NRCAM: variants seen among roughly 807,000 people sequenced by gnomAD.
NRCAM encodes neuronal cell adhesion molecule, also known as NgCAM-related cell adhesion molecule.
In NRCAM, 83 loss-of-function variants were observed where a neutral mutation model predicts 156.5. The observed-to-expected ratio is 0.53, with a 90% confidence interval of 0.44 to 0.64. The LOEUF (loss-of-function observed/expected upper bound fraction) is 0.64. Ranked by LOEUF, NRCAM falls within the 30% of genes least tolerant of loss-of-function variation. NRCAM has a pLI of 0.00. For missense variants in NRCAM, 1,417 were observed against 1,597.3 expected (o/e 0.89, Z 1.92); for synonymous variants, 538 against 563.9 (o/e 0.95, Z 0.65).
intron 28 of NRCAM, among the ~76,000 whole-genome samples, chr7:108,173,036 A>G (rs1372170167): frequency 7.3e-6 from 1 of 136,936 alleles, no homozygotes; most frequent in Non-Finnish European, 1.5e-5. Flanking sequence ...CCCAGGCTGG[A>G]GTGCAATGGT....
chr7:108,242,898 G>A (rs1047832622), intron 3 of NRCAM: 7 of 152,000 alleles, frequency 4.6e-5, no homozygotes, highest in Non-Finnish European at 1.0e-4. Flanking sequence ...CCAATATAGA[G>A]AAAATCATTA....
chr7:108,200,132 G>A (rs2077192280), intron 13 of NRCAM, among the ~76,000 whole-genome samples: 1 of 152,100 alleles, frequency 6.6e-6, no homozygotes, highest in Non-Finnish European at 1.5e-5. Context: ...GATACTCCAG[G>A]TTGTTCAACT....
chr7:108,261,465 A>G (rs2096886059), intron 3 of NRCAM, among the ~76,000 whole-genome samples: 1 of 152,176 alleles, frequency 6.6e-6, no homozygotes, highest in Non-Finnish European at 1.5e-5. Context: ...TGCTGTGTCT[A>G]TTTATATTTT....
chr7:108,387,394 G>A (rs1230448982), intron 2 of NRCAM, among the ~76,000 whole-genome samples: 5 of 151,948 alleles, frequency 3.3e-5, no homozygotes, highest in Non-Finnish European at 7.4e-5. Context: ...GGTCAGAACT[G>A]GTGCACTATT....
intron 1 of NRCAM, among the ~76,000 whole-genome samples, chr7:108,420,070 GTT>G (rs1172730598): frequency 1.1e-4 from 17 of 150,090 alleles, no homozygotes; most frequent in Admixed American, 7.3e-4. Context: ...GTGTGTGTGT[GTT>G]TATTTTTAAT....
chr7:108,257,710 G>GA (rs2096738138), intron 3 of NRCAM, among the ~76,000 whole-genome samples: 1 of 151,806 alleles, frequency 6.6e-6, no homozygotes, highest in African/African-American at 2.4e-5. Context: ...CCTTAATAAG[G>GA]GTTCGTGACA....
chr7:108,202,223 G>C (rs1485967931), intron 13 of NRCAM, among the ~76,000 whole-genome samples: 2 of 152,142 alleles, frequency 1.3e-5, no homozygotes, highest in African/African-American at 4.8e-5. Flanking sequence ...ATGGCCTTCA[G>C]AAAATACTTA....
chr7:108,199,841 G>A (rs1287563661), intron 13 of NRCAM, among the ~76,000 whole-genome samples: 1 of 152,114 alleles, frequency 6.6e-6, no homozygotes, highest in Non-Finnish European at 1.5e-5. Flanking sequence ...TAGACATCAT[G>A]GCGGGGTGGG....
chr7:108,205,762 A>AT (rs901225829), intron 13 of NRCAM, among the ~76,000 whole-genome samples: 17 of 152,014 alleles, frequency 1.1e-4, no homozygotes, highest in African/African-American at 3.9e-4. Flanking sequence ...TTTTTTGTTG[A>AT]TTTTTTTGTA....
intron 11 of NRCAM, among the ~76,000 whole-genome samples, chr7:108,222,674 G>A (rs763969205): frequency 4.6e-5 from 7 of 152,212 alleles, no homozygotes; most frequent in East Asian, 1.9e-4. Context: ...CTCGGCCAGC[G>A]GAGGCCTCCA....
At chr7:108,304,143 C>G (rs911210197) in intron 3 of NRCAM, among the ~76,000 whole-genome samples, 13 of 152,146 alleles carry the variant, frequency 8.5e-5, no homozygotes, top group African/African-American at 3.1e-4. Context: ...TTCTCTTTTA[C>G]TATTCAAATA....
At chr7:108,180,057 T>A (rs2062656591) in intron 25 of NRCAM, among the ~76,000 whole-genome samples, 166 bp downstream of exon 25, 1 of 152,222 alleles carries the variant, frequency 6.6e-6, no homozygotes, top group Non-Finnish European at 1.5e-5. Flanking sequence ...TAGGCCCACA[T>A]ATGATCTGAC....
At chr7:108,421,338 T>C (rs1374149227) in intron 1 of NRCAM, among the ~76,000 whole-genome samples, 6 of 152,204 alleles carry the variant, frequency 3.9e-5, no homozygotes, top group African/African-American at 1.2e-4. Context: ...TGCTAAAGTA[T>C]TGCCTATAAT....
At chr7:108,280,149 C>G (rs1419315802) in intron 3 of NRCAM, among the ~76,000 whole-genome samples, 1 of 152,240 alleles carries the variant, frequency 6.6e-6, no homozygotes, top group Non-Finnish European at 1.5e-5. Flanking sequence ...AGGTTAAAAG[C>G]TGGCCTGATC....
chr7:108,283,546 C>T (rs573689074), intron 3 of NRCAM, among the ~76,000 whole-genome samples: 1 of 152,108 alleles, frequency 6.6e-6, no homozygotes, highest in Non-Finnish European at 1.5e-5. Context: ...TGGTTCAATT[C>T]GACAGATGTC....
intron 2 of NRCAM, among the ~76,000 whole-genome samples, chr7:108,333,199 A>C (rs2099144659): frequency 6.6e-6 from 1 of 152,202 alleles, no homozygotes. Context: ...TCTCCCAAAC[A>C]ACCACACATT....
intron 3 of NRCAM, among the ~76,000 whole-genome samples, chr7:108,262,847 T>C (rs180760458): frequency 6.6e-6 from 1 of 152,360 alleles, no homozygotes; most frequent in Non-Finnish European, 1.5e-5. Context: ...CTGGGTCACA[T>C]ACTTTCACCA....
rs912821923 is a variant in NRCAM at position 108,256,634 on chromosome 7, AAAC to A, written c.-106-16467_-106-16465del. 1.5e-4 allele frequency among the ~76,000 whole-genome samples: 23 copies of A among 152,298 alleles called. No homozygotes were observed. In the East Asian group the frequency reaches 3.1e-3, roughly 20 times the overall value. On this transcript the variant is annotated intron_variant, in intron 3 of 32. Coordinates refer to ENST00000379028, the MANE Select transcript of NRCAM (RefSeq NM_001037132.4). ...AGAATGATCAATAAATACTAAAAAC[AAAC>A]AACAACAAAAAAAACAACTATGCTG...
chr7:108,348,425 C>T (rs147328010), intron 2 of NRCAM, among the ~76,000 whole-genome samples: 87 of 152,264 alleles, frequency 5.7e-4, no homozygotes, highest in African/African-American at 1.5e-3. Flanking sequence ...AGGAGATTGG[C>T]TGTTATCCTT....
Sources: gnomAD v4.1 joint callset for allele counts (sites outside exome capture counted in the v4.1 genomes callset) on GRCh38, gnomAD v4.1.1 for gene constraint, MANE v1.5 for transcripts, NCBI Gene and HGNC (gene_info 2026-07-23, HGNC 2026-07-21) for gene names.